The following CMC1 variants were observed in gnomAD, a reference collection of about 807,000 sequenced individuals.
CMC1 encodes the protein C-X9-C motif containing 1, also known as COX assembly mitochondrial protein homolog.
Under a neutral mutation model 14.1 loss-of-function variants are expected in CMC1, and 14 were observed. The ratio of observed to expected loss-of-function variants is 0.99; its 90% CI spans 0.66 to 1.55. The LOEUF (loss-of-function observed/expected upper bound fraction) is 1.55. Among genes scored for constraint, CMC1 ranks in the 40% most tolerant of loss-of-function variants. CMC1 has a pLI of 0.00. For synonymous variants in CMC1, 50 were observed against 38.4 expected (o/e 1.30, Z -1.12); for missense variants, 127 against 123.8 (o/e 1.03, Z -0.12).
intron 2 of CMC1, among the ~76,000 whole-genome samples, chr3:28,303,750 A>T (rs180688333): frequency 1.7e-3 from 254 of 152,302 alleles, no homozygotes; most frequent in Middle Eastern, 3.4e-3. Flanking sequence ...TATTTGTTCG[A>T]TAAATATATA....
intron 2 of CMC1, among the ~76,000 whole-genome samples, chr3:28,278,082 T>TTGTGTGATTGATGTGATTGTG (rs1413796136): frequency 6.6e-6 from 1 of 152,072 alleles, no homozygotes; most frequent in Admixed American, 6.6e-5. Context: ...ATTGATGTGA[T>TTGTGTGATTGATGTGATTGTG]TGAGATACTC....
intron 1 of CMC1, among the ~76,000 whole-genome samples, chr3:28,262,715 A>G (rs940892551): frequency 3.3e-5 from 5 of 152,064 alleles, no homozygotes; most frequent in Non-Finnish European, 5.9e-5. Context: ...CTCTCTTAGC[A>G]TTTAAGGAGC....
At chr3:28,305,216 A>C (rs1268866051) in intron 2 of CMC1, among the ~76,000 whole-genome samples, 4 of 152,128 alleles carry the variant, frequency 2.6e-5, no homozygotes, top group Non-Finnish European at 5.9e-5. Context: ...TCCACTTAGG[A>C]TAATGGCCTC....
intron 2 of CMC1, among the ~76,000 whole-genome samples, chr3:28,307,321 C>G (rs1223188100): frequency 2.6e-5 from 4 of 152,010 alleles, no homozygotes; most frequent in African/African-American, 9.7e-5. Flanking sequence ...GCTAGGAGTT[C>G]AAGACCAGCC....
chr3:28,306,252 A>G (rs1224157096), intron 2 of CMC1, among the ~76,000 whole-genome samples: 1 of 152,200 alleles, frequency 6.6e-6, no homozygotes, highest in Non-Finnish European at 1.5e-5. Flanking sequence ...TAGGAATAGC[A>G]TTGAATCTAT....
intron 2 of CMC1, 164 bp from the exon 3 acceptor site, chr3:28,316,169 T>G: frequency 2.1e-6 from 1 of 482,608 alleles, no homozygotes; most frequent in Non-Finnish European, 3.7e-6. Flanking sequence ...AAGCACAATG[T>G]ACATAATAGA....
chr3:28,323,937 G>T lies in CMC1; in HGVS notation c.*4308G>T. On this transcript the variant is annotated 3_prime_UTR_variant, in exon 4 of 4. Transcript: ENST00000466830. ...TCAAATATAGATACTGAAGACCTCTGCAAAATTTTAATCAAAATCTCCTTT... is the reference window on the plus strand; with the variant it reads ...TCAAATATAGATACTGAAGACCTCTTCAAAATTTTAATCAAAATCTCCTTT... 7.4e-7 allele frequency: 1 copy of T among 1,354,908 alleles called. No individual in the cohort carries two copies. Among genetic ancestry groups the T allele is most frequent in the Non-Finnish European group, 1.0e-6 (1 of 991,532 alleles). 83.9% of individuals were successfully genotyped at this position (1,354,908 alleles called of 1,614,324 possible).
chr3:28,269,917 T>A (rs1255732252), intron 2 of CMC1, among the ~76,000 whole-genome samples: 1 of 152,162 alleles, frequency 6.6e-6, no homozygotes, highest in African/African-American at 2.4e-5. Flanking sequence ...ATCCTGATGC[T>A]TTCCCTGCCT....
intron 2 of CMC1, among the ~76,000 whole-genome samples, chr3:28,263,749 C>T (rs982534024): frequency 7.9e-5 from 12 of 152,040 alleles, no homozygotes; most frequent in African/African-American, 9.7e-5. Flanking sequence ...TCACCATATT[C>T]GCATACATAT....
intron 2 of CMC1, among the ~76,000 whole-genome samples, chr3:28,303,246 A>G (rs1384711985): frequency 6.6e-6 from 1 of 152,174 alleles, no homozygotes; most frequent in Non-Finnish European, 1.5e-5. Context: ...ACTACCTTGC[A>G]AAAAATGATT....
At chr3:28,252,712 C>G (rs764290186) in intron 1 of CMC1, among the ~76,000 whole-genome samples, 1 of 152,218 alleles carries the variant, frequency 6.6e-6, no homozygotes, top group Non-Finnish European at 1.5e-5. Flanking sequence ...AAGGCCCCCA[C>G]TCCATGTGCA....
intron 3 of CMC1, chr3:28,317,116 T>C (rs1203968254): frequency 1.3e-5 from 2 of 152,072 alleles, no homozygotes; most frequent in Admixed American, 1.3e-4. Flanking sequence ...CTTTAATTTC[T>C]GTAGCCTGTG....
At chr3:28,266,985 A>G (rs1700035628) in intron 2 of CMC1, among the ~76,000 whole-genome samples, 1 of 152,066 alleles carries the variant, frequency 6.6e-6, no homozygotes, top group Non-Finnish European at 1.5e-5. Flanking sequence ...CACTTTCCTC[A>G]CCTTCCAAAA....
chr3:28,285,442 A>G (rs968208354), intron 2 of CMC1, among the ~76,000 whole-genome samples: 3 of 152,154 alleles, frequency 2.0e-5, no homozygotes, highest in African/African-American at 7.2e-5. Flanking sequence ...GTCAAATATC[A>G]CATGTTCTCA....
chr3:28,267,733 T>A lies in CMC1; in HGVS notation c.109+4353T>A, dbSNP rs370344972. On this transcript the variant is annotated intron_variant, in intron 2 of 3. Transcript: ENST00000466830. ...TGAAGTATGTTGTATTTTGTGAAAT[T>A]CCAAAGATAAGTGAATGAACAAAAA... is the stretch of plus-strand genomic sequence containing the variant. Among the ~76,000 whole-genome samples the A allele has an allele frequency of 2.0e-5, 3 of 152,212 alleles. No individual in the cohort carries two copies. In the East Asian group the frequency reaches 5.8e-4, roughly 29 times the overall value.
At chr3:28,263,260 C>T (rs1699826434) in intron 1 of CMC1, 31 bp from the exon 2 acceptor site, 20 of 1,505,626 alleles carry the variant, frequency 1.3e-5, no homozygotes, top group Non-Finnish European at 1.7e-5. Context: ...TTGCTTGAGA[C>T]TTTATTAAAG....
At chr3:28,256,515 G>C (rs1202346154) in intron 1 of CMC1, among the ~76,000 whole-genome samples, 1 of 152,104 alleles carries the variant, frequency 6.6e-6, no homozygotes, top group South Asian at 2.1e-4. Flanking sequence ...ATAACTGGGG[G>C]CTATAACCCA....
intron 2 of CMC1, among the ~76,000 whole-genome samples, chr3:28,286,707 A>G (rs985985535): frequency 6.6e-6 from 1 of 152,206 alleles, no homozygotes; most frequent in African/African-American, 2.4e-5. Context: ...CCAAGATATA[A>G]GGAAGTAGGT....
intron 2 of CMC1, among the ~76,000 whole-genome samples, chr3:28,307,725 G>A (rs1235305255): frequency 6.6e-6 from 1 of 152,094 alleles, no homozygotes; most frequent in Admixed American, 6.5e-5. Context: ...CCCCACTGTG[G>A]TAGTATATTA....
Sources: allele counts gnomAD v4.1 joint callset (sites outside exome capture counted in the v4.1 genomes callset), GRCh38; gene constraint gnomAD v4.1.1; transcripts MANE v1.5; gene names NCBI Gene and HGNC (gene_info 2026-07-23, HGNC 2026-07-21).